The following ZC3H12B variants were observed in gnomAD, a reference collection of about 807,000 sequenced individuals.
ZC3H12B encodes the protein zinc finger CCCH-type containing 12B, also known as probable ribonuclease ZC3H12B.
In ZC3H12B, 7 loss-of-function variants were observed where a neutral mutation model predicts 43.9. That is an observed-to-expected ratio of 0.16 (90% CI 0.09 to 0.30). The LOEUF is 0.30. Among genes scored for constraint, ZC3H12B ranks in the 10% least tolerant of loss-of-function variants. ZC3H12B has a pLI of 1.00. For synonymous variants in ZC3H12B, 222 were observed against 241.7 expected (o/e 0.92, Z 0.76); for missense variants, 475 against 670.2 (o/e 0.71, Z 3.22).
chrX:65,270,168 T>A, the ZC3H12B span, among the ~76,000 whole-genome samples: 1 of 111,714 alleles, frequency 9.0e-6, no homozygotes, highest in Non-Finnish European at 1.9e-5. Context: ...AGTATGGTAC[T>A]GGCATAAAAA....
chrX:65,205,654 A>G, the ZC3H12B span, among the ~76,000 whole-genome samples: 1 of 111,614 alleles, frequency 9.0e-6, no homozygotes, highest in Admixed American at 9.6e-5. Context: ...CCTCTTCAAC[A>G]TAGTACTGGA....
At chrX:65,169,944 G>A in the ZC3H12B span, among the ~76,000 whole-genome samples, 1 of 111,618 alleles carries the variant, frequency 9.0e-6, no homozygotes, top group Non-Finnish European at 1.9e-5. Context: ...CACGAGACGG[G>A]TCTCCTGAAT....
the ZC3H12B span, among the ~76,000 whole-genome samples, chrX:65,353,247 GTT>G: frequency 9.0e-6 from 1 of 111,370 alleles, no homozygotes; most frequent in South Asian, 3.9e-4. Flanking sequence ...AAATGTGTGT[GTT>G]CTGAAACACA....
chrX:65,073,864 G>T, the ZC3H12B span, among the ~76,000 whole-genome samples: 1 of 111,463 alleles, frequency 9.0e-6, no homozygotes, highest in Admixed American at 9.5e-5. Flanking sequence ...CCCTGTGCAG[G>T]GTTCCCAGCT....
At chrX:65,154,828 G>A in the ZC3H12B span, among the ~76,000 whole-genome samples, 1 of 111,824 alleles carries the variant, frequency 8.9e-6, no homozygotes, top group South Asian at 3.7e-4. Flanking sequence ...GGGCAACAGA[G>A]CAAGACCCTG....
the ZC3H12B span, among the ~76,000 whole-genome samples, chrX:65,163,827 TC>T: frequency 8.9e-6 from 1 of 111,898 alleles, no homozygotes; most frequent in East Asian, 2.8e-4. Flanking sequence ...ACCCGGTACC[TC>T]AGATGGAAAT....
the ZC3H12B span, among the ~76,000 whole-genome samples, chrX:65,102,127 G>A: frequency 9.0e-6 from 1 of 111,269 alleles, no homozygotes; most frequent in Admixed American, 9.5e-5. Flanking sequence ...GAACCAATGA[G>A]AAAAACCACA....
At chrX:65,394,544 C>T (rs187884754) in intron 2 of ZC3H12B, among the ~76,000 whole-genome samples, 5 of 111,636 alleles carry the variant, frequency 4.5e-5, no homozygotes, top group Admixed American at 1.9e-4. Flanking sequence ...GGCCTGTGTC[C>T]GGTTCCATTG....
At chrX:65,482,926 T>G (rs2068081858) in intron 3 of ZC3H12B, among the ~76,000 whole-genome samples, 1 of 111,990 alleles carries the variant, frequency 8.9e-6, no homozygotes, top group South Asian at 3.7e-4. Context: ...TCTTACTTTT[T>G]TGTAAACATT....
chrX:65,087,928 A>C, the ZC3H12B span, among the ~76,000 whole-genome samples: 3 of 112,418 alleles, frequency 2.7e-5, no homozygotes, highest in East Asian at 8.4e-4. Context: ...AAAAGCTGAA[A>C]TAGGAATAGA....
At chrX:65,106,091 T>C in the ZC3H12B span, among the ~76,000 whole-genome samples, 1 of 111,643 alleles carries the variant, frequency 9.0e-6, no homozygotes, top group Non-Finnish European at 1.9e-5. Context: ...AGGTAAAATA[T>C]ATAGAGAGAT....
chrX:65,213,310 G>C, the ZC3H12B span, among the ~76,000 whole-genome samples: 1 of 109,923 alleles, frequency 9.1e-6, no homozygotes, highest in African/African-American at 3.3e-5. Context: ...TTAGTGATGG[G>C]CACCTAATTT....
the ZC3H12B span, among the ~76,000 whole-genome samples, chrX:65,326,567 GA>G: frequency 1.4e-4 from 14 of 102,108 alleles, no homozygotes; most frequent in South Asian, 4.2e-4. Flanking sequence ...TGCTTGGATA[GA>G]AAAAAAAAAG....
intron 3 of ZC3H12B, among the ~76,000 whole-genome samples, chrX:65,460,690 C>A (rs944051849): frequency 1.7e-4 from 19 of 111,808 alleles, no homozygotes; most frequent in Non-Finnish European, 2.8e-4. Context: ...CTTCCTTACA[C>A]CTTATACTAA....
chrX:65,133,869 G>A, the ZC3H12B span, among the ~76,000 whole-genome samples: 1 of 108,668 alleles, frequency 9.2e-6, no homozygotes, highest in East Asian at 2.9e-4. Context: ...GATGAGGGAG[G>A]GACCAATGTG....
the ZC3H12B span, among the ~76,000 whole-genome samples, chrX:65,361,601 A>G: frequency 2.7e-5 from 3 of 111,722 alleles, no homozygotes; most frequent in African/African-American, 9.8e-5. Flanking sequence ...GTTAGCATTT[A>G]GACTCTTTTT....
At chrX:65,273,191 C>A in the ZC3H12B span, among the ~76,000 whole-genome samples, 1 of 111,978 alleles carries the variant, frequency 8.9e-6, no homozygotes, top group African/African-American at 3.2e-5. Flanking sequence ...TTGACACAAT[C>A]TAAAGAAAAG....
At chrX:65,072,909 G>A in the ZC3H12B span, among the ~76,000 whole-genome samples, 16 of 112,575 alleles carry the variant, frequency 1.4e-4, no homozygotes, top group Non-Finnish European at 2.3e-4. Context: ...GCCAGTGTTG[G>A]TGTCAGCACA....
the ZC3H12B span, among the ~76,000 whole-genome samples, chrX:65,235,408 C>T: frequency 8.9e-6 from 1 of 111,898 alleles, no homozygotes; most frequent in Non-Finnish European, 1.9e-5. Context: ...GAGATCCTAC[C>T]TCATTGTGGT....
Sources: gnomAD v4.1 joint callset for allele counts (sites outside exome capture counted in the v4.1 genomes callset) on GRCh38, gnomAD v4.1.1 for gene constraint, MANE v1.5 for transcripts, NCBI Gene and HGNC (gene_info 2026-07-23, HGNC 2026-07-21) for gene names.